ENPP3: variants seen among roughly 807,000 people sequenced by gnomAD.
ENPP3 encodes the protein ectonucleotide pyrophosphatase/phosphodiesterase 3.
In ENPP3, 104 loss-of-function variants were observed where a neutral mutation model predicts 117.8. The ratio of observed to expected loss-of-function variants is 0.88; its 90% CI spans 0.75 to 1.04. The LOEUF is 1.04. Ranked by LOEUF, ENPP3 falls within the 50% of genes least tolerant of loss-of-function variation. The pLI is 0.00. For synonymous variants in ENPP3, 380 were observed against 349.9 expected (o/e 1.09, Z -0.96); for missense variants, 1,026 against 1,051.9 (o/e 0.98, Z 0.34).
At chr6:131,682,008 T>C (rs1779032616) in intron 11 of ENPP3, among the ~76,000 whole-genome samples, 1 of 152,038 alleles carries the variant, frequency 6.6e-6, no homozygotes, top group South Asian at 2.1e-4. Flanking sequence ...AATTTTTGCA[T>C]TTTTAGTAGA....
At chr6:131,651,882 T>C (rs1255736142) in intron 3 of ENPP3, among the ~76,000 whole-genome samples, 3 of 152,338 alleles carry the variant, frequency 2.0e-5, no homozygotes, top group Non-Finnish European at 4.4e-5. Context: ...AAAAGTTACC[T>C]ATTGAGAATG....
At chr6:131,683,540 AT>A (rs890169300) in intron 12 of ENPP3, among the ~76,000 whole-genome samples, 38 of 151,004 alleles carry the variant, frequency 2.5e-4, no homozygotes, top group African/African-American at 8.3e-4. Context: ...CACCGTGTGT[AT>A]TTTTTTTTAG....
Position 131,740,329 on chromosome 6 carries a change from T to C in ENPP3, c.2406T>C (p.Asp802=). ...CGGAAAACTGCCCTGGGTGGCTGGA[T>C]GTCCTACCCTTTATCATCCCTCACC... The part of the protein sequence containing the change: ...HTPENCPGWL[D]VLPFIIPHRP... The change falls in exon 24 of 25, where the codon GAT becomes GAC. Residue 802 remains aspartate (D), a synonymous_variant. Transcript: ENST00000357639. 1 of 1,612,710 alleles carries C rather than the reference T, an allele frequency of 6.2e-7. No homozygotes were observed. The highest frequency in any genetic ancestry group is 8.5e-7 in the Non-Finnish European group (1 of 1,179,274).
chr6:131,719,657 A>G (rs1038927745), intron 16 of ENPP3, among the ~76,000 whole-genome samples: 15 of 152,164 alleles, frequency 9.9e-5, no homozygotes, highest in Non-Finnish European at 1.8e-4. Flanking sequence ...ATATACACCC[A>G]CACCTGTTAC....
intron 13 of ENPP3, 80 bp downstream of exon 13, chr6:131,685,575 T>G (rs375544114): frequency 1.4e-6 from 2 of 1,457,486 alleles, no homozygotes; most frequent in Admixed American, 4.0e-5. Context: ...TGAGAGGAAG[T>G]TGGGGTTATC....
chr6:131,744,353 G>A (rs907247676), intron 24 of ENPP3, among the ~76,000 whole-genome samples: 1 of 152,162 alleles, frequency 6.6e-6, no homozygotes, highest in South Asian at 2.1e-4. Flanking sequence ...GAAAATGTAG[G>A]TATGGAACTT....
intron 20 of ENPP3, among the ~76,000 whole-genome samples, chr6:131,730,823 G>A (rs1477064943): frequency 6.6e-6 from 1 of 151,410 alleles, no homozygotes; most frequent in African/African-American, 2.4e-5. Context: ...GCTGAGGCAG[G>A]AGAATCAGTT....
intron 24 of ENPP3, among the ~76,000 whole-genome samples, chr6:131,740,613 T>G (rs1004411476): frequency 6.6e-6 from 1 of 152,230 alleles, no homozygotes; most frequent in African/African-American, 2.4e-5. Context: ...TGTATTTTAT[T>G]TATATACGTT....
In ENPP3 at chr6:131,726,161, G is replaced by T; in HGVS notation, c.1914G>T (p.Met638Ile). Residue 638 changes from methionine (M) to isoleucine (I), a missense_variant, in exon 20 of 25, where the codon ATG (methionine) becomes ATT (isoleucine). Transcript: ENST00000357639. ...REYVSGFGKAMRMPMWSSYTV... is the reference protein window; with the variant it reads ...REYVSGFGKAIRMPMWSSYTV... The stretch of plus-strand genomic sequence containing the variant: ...ATGTCAGTGGATTTGGAAAAGCTAT[G>T]AGGATGCCCATGTGGAGTTCATACA... 6.2e-7 allele frequency: 1 copy of T among 1,614,062 alleles called. No homozygotes were observed. Among genetic ancestry groups the T allele is most frequent in the Non-Finnish European group, 8.5e-7 (1 of 1,179,950 alleles).
At chr6:131,685,708 A>G (rs1779140338) in intron 13 of ENPP3, among the ~76,000 whole-genome samples, 168 bp from the exon 14 acceptor site, 1 of 152,212 alleles carries the variant, frequency 6.6e-6, no homozygotes, top group Admixed American at 6.5e-5. Context: ...TATCCTACTC[A>G]GTTCTAAATG....
intron 6 of ENPP3, among the ~76,000 whole-genome samples, chr6:131,670,296 T>C (rs1358611650): frequency 1.3e-5 from 2 of 152,170 alleles, no homozygotes; most frequent in East Asian, 3.8e-4. Context: ...TATTAGATAC[T>C]TTACATGTAA....
chr6:131,675,923 C>T (rs1444924507), intron 9 of ENPP3, among the ~76,000 whole-genome samples: 1 of 152,142 alleles, frequency 6.6e-6, no homozygotes, highest in East Asian at 1.9e-4. Flanking sequence ...CAATGGCCCC[C>T]TGTGTCACTC....
intron 1 of ENPP3, among the ~76,000 whole-genome samples, chr6:131,637,664 G>T (rs546966396): frequency 1.1e-4 from 17 of 152,288 alleles, no homozygotes; most frequent in African/African-American, 3.8e-4. Flanking sequence ...GTAACAACAA[G>T]TTAACATTAC....
intron 15 of ENPP3, among the ~76,000 whole-genome samples, chr6:131,701,633 C>A (rs1477862052): frequency 1.3e-5 from 2 of 149,102 alleles, no homozygotes; most frequent in Non-Finnish European, 3.0e-5. Flanking sequence ...GTAATCCCAG[C>A]ACTTTGGGAG....
intron 3 of ENPP3, among the ~76,000 whole-genome samples, chr6:131,650,883 G>A (rs1778248199): frequency 6.6e-6 from 1 of 151,966 alleles, no homozygotes; most frequent in Non-Finnish European, 1.5e-5. Flanking sequence ...CAGGATTAAG[G>A]TCTACCCTAA....
At chr6:131,682,631 TGA>T (rs1200272907) in intron 11 of ENPP3, among the ~76,000 whole-genome samples, 1 of 152,250 alleles carries the variant, frequency 6.6e-6, no homozygotes, top group Non-Finnish European at 1.5e-5. Context: ...GTAGAATCGT[TGA>T]GTTGCAGATG....
chr6:131,644,900 C>A (rs1778123708), intron 2 of ENPP3, among the ~76,000 whole-genome samples: 1 of 152,112 alleles, frequency 6.6e-6, no homozygotes, highest in South Asian at 2.1e-4. Flanking sequence ...GTTCTAGAAA[C>A]CAAGTGCAGA....
chr6:131,697,472 G>A (rs1049634895), intron 15 of ENPP3, among the ~76,000 whole-genome samples: 11 of 151,756 alleles, frequency 7.2e-5, no homozygotes, highest in Middle Eastern at 3.4e-3. Flanking sequence ...AGCGCATGAC[G>A]TTTATTGTGC....
At chr6:131,693,159 C>T (rs767511737) in intron 14 of ENPP3, among the ~76,000 whole-genome samples, 6 of 148,134 alleles carry the variant, frequency 4.1e-5, no homozygotes, top group Non-Finnish European at 7.4e-5. Flanking sequence ...AAACTGAAAA[C>T]ATTAACTCAT....
Sources: gnomAD v4.1 joint callset for allele counts (sites outside exome capture counted in the v4.1 genomes callset) on GRCh38, gnomAD v4.1.1 for gene constraint, MANE v1.5 for transcripts, NCBI Gene and HGNC (gene_info 2026-07-23, HGNC 2026-07-21) for gene names.